The following TAF1 variants were observed in gnomAD, a reference collection of about 807,000 sequenced individuals.
TAF1 encodes TATA-box binding protein associated factor 1.
TAF1 carries 2 observed loss-of-function variants against 138.5 expected under a neutral mutation model. That is an observed-to-expected ratio of 0.01 (90% CI 0.01 to 0.05). The LOEUF (loss-of-function observed/expected upper bound fraction) is 0.05. TAF1 is among the 10% of genes least tolerant of loss of function. The pLI is 1.00. For missense variants in TAF1, 709 were observed against 1,478.0 expected, an observed-to-expected ratio of 0.48 and a Z score of 8.53; for synonymous variants, 437 against 503.2, an observed-to-expected ratio of 0.87 and a Z score of 1.76.
At chrX:71,384,873 A>G in intron 13 of TAF1, 72 bp from the exon 14 acceptor site, 1 of 798,134 alleles carries the variant, frequency 1.3e-6, no homozygotes, top group Admixed American at 3.0e-5. Context: ...CTGTATTAGT[A>G]AAGTGCTATG....
chrX:71,494,051 G>A (rs1022788802), intron 13 of TAF1, among the ~76,000 whole-genome samples: 1 of 111,632 alleles, frequency 9.0e-6, no homozygotes, highest in African/African-American at 3.3e-5. Flanking sequence ...TGTCCAATCC[G>A]CAGACCGTGG....
At position 71,368,384 on chromosome X, in the gene TAF1, C is replaced by T. The variant is rs185296193; in HGVS notation, c.352+214C>T. The stretch of plus-strand genomic sequence containing the variant: ...CTTAACCGTATTCATGTGGTTATTC[C>T]TCACACTGTTCAGTCATGAATTCTT... On this transcript the variant is annotated intron_variant, in intron 3 of 37. Transcript: ENST00000423759. Among the ~76,000 whole-genome samples the T allele has an allele frequency of 8.1e-5, 9 of 111,725 alleles. No homozygotes were observed. In the East Asian group the frequency reaches 2.5e-3, roughly 31 times the overall value.
chrX:71,387,969 G>A (rs1263622414), intron 15 of TAF1, among the ~76,000 whole-genome samples: 1 of 109,848 alleles, frequency 9.1e-6, no homozygotes, highest in Non-Finnish European at 1.9e-5. Flanking sequence ...GCATGGTGGC[G>A]CACGCCTATG....
intron 1 of TAF1, 25 bp from the exon 2 acceptor site, chrX:71,367,474 T>C: frequency 8.3e-7 from 1 of 1,205,757 alleles, no homozygotes; most frequent in Non-Finnish European, 1.1e-6. Context: ...GTTGTTATCT[T>C]CGACTCGTGC....
intron 25 of TAF1, 73 bp from the exon 26 acceptor site, chrX:71,406,564 TA>T: frequency 9.5e-7 from 1 of 1,047,835 alleles, no homozygotes; most frequent in Non-Finnish European, 1.3e-6. Flanking sequence ...GACTTTTTTT[TA>T]ATTATAGTTG....
At chrX:71,408,317 T>C (rs905783546) in intron 28 of TAF1, among the ~76,000 whole-genome samples, 166 bp downstream of exon 28, 2 of 111,086 alleles carry the variant, frequency 1.8e-5, no homozygotes, top group African/African-American at 6.5e-5. Flanking sequence ...TTAATAAATA[T>C]CACTTCTTTT....
At chrX:71,412,431 A>AT (rs1046700802) in intron 28 of TAF1, among the ~76,000 whole-genome samples, 5 of 108,688 alleles carry the variant, frequency 4.6e-5, no homozygotes, top group African/African-American at 1.0e-4. Flanking sequence ...GCCCAACCTC[A>AT]TTTTTTTTTA....
chrX:71,423,276 G>T (rs1055893312), intron 30 of TAF1, 37 bp downstream of exon 30: 1 of 1,209,212 alleles, frequency 8.3e-7, no homozygotes, highest in Non-Finnish European at 1.1e-6. Context: ...TGAGGATCGT[G>T]CAGGGGAAAG....
intron 32 of TAF1, among the ~76,000 whole-genome samples, chrX:71,452,879 C>T (rs1264073528): frequency 3.6e-5 from 4 of 112,289 alleles, no homozygotes; most frequent in Admixed American, 9.4e-5. Flanking sequence ...GCCAACACAG[C>T]GAAACCCGGT....
At chrX:71,500,934 G>A in intron 13 of TAF1, among the ~76,000 whole-genome samples, 1 of 109,420 alleles carries the variant, frequency 9.1e-6, no homozygotes, top group Non-Finnish European at 1.9e-5. Context: ...TGTGGTGGCA[G>A]GCGCCTTAAT....
intron 13 of TAF1, among the ~76,000 whole-genome samples, chrX:71,510,477 A>G (rs1162668284): frequency 1.8e-5 from 2 of 112,063 alleles, no homozygotes; most frequent in African/African-American, 6.5e-5. Context: ...ACATTCTTCC[A>G]TATATAGAAA....
rs753512172 is a variant in TAF1, at chrX:71,368,039, C to A, written c.236-15C>A. On this transcript the variant is annotated splice_polypyrimidine_tract_variant and intron_variant, in intron 2 of 37. Coordinates refer to ENST00000423759, the MANE Select transcript of TAF1 (RefSeq NM_004606.5). The stretch of plus-strand genomic sequence containing the variant: ...TCGCTTACTGTTGTTGCGATTCTCC[C>A]TGCTTTTTTCATAGGGTGGGTTAGG... 2 of 1,203,335 alleles carry A rather than the reference C, an allele frequency of 1.7e-6. No individual in the cohort carries two copies. The highest frequency in any genetic ancestry group is 1.8e-5 in the African/African-American group (1 of 57,067).
At position 71,383,151 on chromosome X, in the gene TAF1, A is replaced by G; in HGVS notation, c.1934A>G (p.Lys645Arg). The change falls in exon 12 of 38, where the codon AAA (lysine) becomes AGA (arginine). Residue 645 changes from lysine to arginine, a missense_variant. Physicochemically the swap from Lys to Arg is conservative, Grantham distance 26. Transcript: ENST00000423759. ...GTCCAACCTTTGCTAAAGCACATCA[A>G]AAAAAAGGCCAAGGTATAATTGAAT... ...HSVQPLLKHI[K>R]KKAKMREQER... The G allele has an allele frequency of 8.3e-7, 1 of 1,209,755 alleles. No individual in the cohort carries two copies. The highest frequency in any genetic ancestry group is 1.1e-6 in the Non-Finnish European group (1 of 894,965).
At chrX:71,453,778 C>T (rs1199227754) in intron 32 of TAF1, among the ~76,000 whole-genome samples, 6 of 107,568 alleles carry the variant, frequency 5.6e-5, no homozygotes, top group Non-Finnish European at 9.7e-5. Context: ...CTGAGGGGGG[C>T]GGATCACTTA....
chrX:71,426,480 C>T (rs2036594749), intron 32 of TAF1, among the ~76,000 whole-genome samples: 1 of 111,759 alleles, frequency 8.9e-6, no homozygotes, highest in Non-Finnish European at 1.9e-5. Context: ...CTTTGGGAGG[C>T]CGAGGCCGGC....
intron 5 of TAF1, 84 bp from the exon 6 acceptor site, chrX:71,377,519 C>T (rs1244004239): frequency 2.8e-6 from 3 of 1,071,290 alleles, no homozygotes; most frequent in Non-Finnish European, 1.3e-6. Context: ...GAAGAGATCT[C>T]TCAAGGGAGT....
chrX:71,494,707 A>G (rs2039363971), intron 13 of TAF1, among the ~76,000 whole-genome samples: 1 of 112,160 alleles, frequency 8.9e-6, no homozygotes, highest in African/African-American at 3.2e-5. Context: ...CACCAACTTC[A>G]AGAATGAAGC....
chrX:71,395,578 A>G (rs2034802606), intron 22 of TAF1, among the ~76,000 whole-genome samples: 1 of 111,554 alleles, frequency 9.0e-6, no homozygotes, highest in South Asian at 3.8e-4. Flanking sequence ...TATACATGTT[A>G]AAGAGGCAGT....
intron 13 of TAF1, among the ~76,000 whole-genome samples, chrX:71,473,631 T>TGAGCCACTACATG (rs1201913285): frequency 9.1e-6 from 1 of 110,073 alleles, no homozygotes; most frequent in African/African-American, 3.3e-5. Context: ...CAGTGAGCCG[T>TGAGCCACTACATG]GAGCCACTAC....
Sources: gnomAD v4.1 joint callset for allele counts (sites outside exome capture counted in the v4.1 genomes callset) on GRCh38, gnomAD v4.1.1 for gene constraint, MANE v1.5 for transcripts, NCBI Gene and HGNC (gene_info 2026-07-23, HGNC 2026-07-21) for gene names.